Variants in NUDCD3 observed in about 807,000 individuals in gnomAD.
NUDCD3 encodes the protein NudC domain containing 3.
Under a neutral mutation model 39.7 loss-of-function variants are expected in NUDCD3, and 13 were observed. The observed-to-expected ratio is 0.33, with a 90% CI of 0.21 to 0.52. The LOEUF is 0.52. Ranked by LOEUF, NUDCD3 falls within the 20% of genes least tolerant of loss-of-function variation. The pLI, the probability that NUDCD3 is intolerant of heterozygous loss-of-function variation, is 0.96. For missense variants in NUDCD3, 453 were observed against 458.1 expected (o/e 0.99, Z 0.10); for synonymous variants, 175 against 172.4 (o/e 1.02, Z -0.12).
chr7:44,460,113 T>C (rs1436203267), intron 2 of NUDCD3, among the ~76,000 whole-genome samples: 1 of 152,186 alleles, frequency 6.6e-6, no homozygotes, highest in Non-Finnish European at 1.5e-5. Flanking sequence ...CTGAAGGCAG[T>C]ATCGATGTGG....
chr7:44,472,362 C>T (rs2116966661), intron 2 of NUDCD3, among the ~76,000 whole-genome samples: 1 of 152,274 alleles, frequency 6.6e-6, no homozygotes, highest in Middle Eastern at 3.4e-3. Context: ...GTGTATAGGA[C>T]TTACTGAATA....
At chr7:44,404,314 A>AT in intron 4 of NUDCD3, 126 bp downstream of exon 4, 1 of 959,262 alleles carries the variant, frequency 1.0e-6, no homozygotes, top group East Asian at 2.6e-5. Flanking sequence ...AGGAAAACCC[A>AT]TCTGCCCCAG....
chr7:44,468,408 GT>G, intron 2 of NUDCD3: 1 of 906,786 alleles, frequency 1.1e-6, no homozygotes, highest in Non-Finnish European at 1.6e-6. Flanking sequence ...GAAAGAATTT[GT>G]TTGTTCAATG....
chr7:44,409,863 A>G (rs935206892), intron 3 of NUDCD3, among the ~76,000 whole-genome samples: 5 of 152,264 alleles, frequency 3.3e-5, no homozygotes, highest in African/African-American at 1.2e-4. Context: ...AATCAAATAC[A>G]AATTCTGGAG....
intron 1 of NUDCD3, chr7:44,485,490 A>C: frequency 3.7e-6 from 2 of 534,810 alleles, no homozygotes; most frequent in South Asian, 2.9e-5. Flanking sequence ...AAATCAACAA[A>C]ATCAGAAACT....
chr7:44,470,355 A>T lies in NUDCD3; in HGVS notation c.509+14613T>A, dbSNP rs565019666. 2.1e-4 allele frequency among the ~76,000 whole-genome samples: 32 copies of T among 152,242 alleles called. No individual in the cohort carries two copies. The South Asian group carries it at 6.6e-3, about 32-fold the overall frequency. On this transcript the variant is annotated intron_variant, in intron 2 of 5. Transcript: ENST00000355451. Reference sequence around the variant, plus strand: ...GACCAGATAACAGGCTCCAAATCTGATTTCTCAGCTCACAGAACTCACAGC... The same window carrying T: ...GACCAGATAACAGGCTCCAAATCTGTTTTCTCAGCTCACAGAACTCACAGC...
At chr7:44,446,808 C>A (rs1799697138) in intron 2 of NUDCD3, among the ~76,000 whole-genome samples, 1 of 152,206 alleles carries the variant, frequency 6.6e-6, no homozygotes, top group South Asian at 2.1e-4. Context: ...ACCCTTTTAA[C>A]TGGCAGAACT....
chr7:44,488,645 CT>C (rs1205484419), intron 1 of NUDCD3, among the ~76,000 whole-genome samples: 1 of 152,200 alleles, frequency 6.6e-6, no homozygotes, highest in Non-Finnish European at 1.5e-5. Context: ...TAAAACTGAA[CT>C]TTTTCCCCTA....
At chr7:44,405,309 C>A (rs1375323451) in intron 3 of NUDCD3, among the ~76,000 whole-genome samples, 1 of 152,190 alleles carries the variant, frequency 6.6e-6, no homozygotes, top group African/African-American at 2.4e-5. Flanking sequence ...CCCCACCGCC[C>A]TAGGAACACC....
chr7:44,468,543 A>C (rs1800182046), intron 2 of NUDCD3, among the ~76,000 whole-genome samples: 1 of 152,132 alleles, frequency 6.6e-6, no homozygotes, highest in African/African-American at 2.4e-5. Flanking sequence ...TCAGGAAGTA[A>C]AAAGATAAAT....
rs10585173 is a variant in NUDCD3 at position 44,396,087 on chromosome 7, T to TTGTGTGTG, written c.787-3610_787-3603dup. Reference sequence around the variant, plus strand: ...CCTCACCAACACTTGTTATCTTCTGTTGTGTGTGTGTGTGTGTGTGTGTGT... The same window carrying TTGTGTGTG: ...CCTCACCAACACTTGTTATCTTCTGTTGTGTGTGTGTGTGTGTGTGTGTGTGTGTGTGT... On this transcript the variant is annotated intron_variant, in intron 4 of 5. Coordinates refer to ENST00000355451, the MANE Select transcript of NUDCD3 (RefSeq NM_015332.4). Among the ~76,000 whole-genome samples the TTGTGTGTG allele has an allele frequency of 7.6e-3, 1,108 of 144,998 alleles. 19 individuals carry two copies. Among genetic ancestry groups the TTGTGTGTG allele is most frequent in the African/African-American group, 0.025 (942 of 38,436 alleles).
intron 5 of NUDCD3, among the ~76,000 whole-genome samples, chr7:44,387,345 C>G (rs1798418210): frequency 6.6e-6 from 1 of 152,026 alleles, no homozygotes; most frequent in Non-Finnish European, 1.5e-5. Flanking sequence ...TTTTTTAAGA[C>G]CTAAGTGATG....
chr7:44,490,567 C>T lies in NUDCD3; in HGVS notation c.34G>A (p.Ala12Thr). 1 of 1,611,648 alleles carries T rather than the reference C, an allele frequency of 6.2e-7. No individual in the cohort carries two copies. The highest frequency in any genetic ancestry group is 8.5e-7 in the Non-Finnish European group (1 of 1,178,986). Residue 12 changes from alanine to threonine, a missense_variant, in exon 1 of 6, where the codon GCC (alanine) becomes ACC (threonine). Physicochemically the swap from Ala to Thr is moderately conservative, Grantham distance 58. Transcript: ENST00000355451. ...ETGAAELYDQ[A>T]LLGILQHVGN... ...ACGTGCTGCAGGATGCCCAAAAGGG[C>T]CTGGTCATACAGCTCGGCCGCCCCT...
chr7:44,439,595 TAA>T (rs75213700), intron 2 of NUDCD3, among the ~76,000 whole-genome samples: 1 of 114,064 alleles, frequency 8.8e-6, no homozygotes, highest in Non-Finnish European at 1.8e-5. Context: ...AGGAAGTGCT[TAA>T]AAAAAAAAAA....
intron 3 of NUDCD3, among the ~76,000 whole-genome samples, chr7:44,407,501 G>A (rs1382195244): frequency 1.3e-5 from 2 of 149,648 alleles, no homozygotes; most frequent in African/African-American, 4.9e-5. Flanking sequence ...GGAGGCAGAG[G>A]TTGCGGTGAG....
rs1288427791 is a variant in NUDCD3 at position 44,396,609 on chromosome 7, C to T, written c.787-4124G>A. Among the ~76,000 whole-genome samples the T allele has an allele frequency of 6.6e-5, 10 of 152,140 alleles. No homozygotes were observed. The East Asian group carries it at 1.7e-3, about 26-fold the overall frequency. On this transcript the variant is annotated intron_variant, in intron 4 of 5. Transcript: ENST00000355451. ...CCAGACCTTTTTTTTTAATGGCCCA[C>T]GCCTCGTAAGTCATTGAGCTGACAA...
rs143402211 is a variant in NUDCD3 at position 44,456,541 on chromosome 7, G to A, written c.509+28427C>T. Among the ~76,000 whole-genome samples, 15 of 152,212 alleles carry A rather than the reference G, an allele frequency of 9.9e-5. No homozygotes were observed. In the East Asian group the frequency reaches 2.9e-3, roughly 29 times the overall value. ...CTGAACACTTTAAGAGGCCAAGATG[G>A]GAGGACGGCTTGAACCCAGGAGTTC... On this transcript the variant is annotated intron_variant, in intron 2 of 5. Coordinates refer to ENST00000355451, the MANE Select transcript of NUDCD3 (RefSeq NM_015332.4).
At chr7:44,481,926 G>A (rs143363097) in intron 2 of NUDCD3, among the ~76,000 whole-genome samples, 10 of 152,218 alleles carry the variant, frequency 6.6e-5, no homozygotes, top group African/African-American at 2.2e-4. Flanking sequence ...AGGTAACTAC[G>A]AATCAGAATG....
intron 2 of NUDCD3, among the ~76,000 whole-genome samples, chr7:44,458,043 A>T (rs1177761791): frequency 6.6e-6 from 1 of 152,236 alleles, no homozygotes; most frequent in African/African-American, 2.4e-5. Context: ...TGTTCATAGC[A>T]CTATTCCTCA....
Sources: allele counts gnomAD v4.1 joint callset (sites outside exome capture counted in the v4.1 genomes callset), GRCh38; gene constraint gnomAD v4.1.1; transcripts MANE v1.5; gene names NCBI Gene and HGNC (gene_info 2026-07-23, HGNC 2026-07-21).